The following SMYD5 variants were observed in gnomAD, a reference collection of about 807,000 sequenced individuals.
The protein encoded by SMYD5 is SMYD family member 5, also known as protein-lysine N-trimethyltransferase SMYD5.
SMYD5 carries 35 observed loss-of-function variants against 57.4 expected under a neutral mutation model. That is an observed-to-expected ratio of 0.61 (90% CI 0.47 to 0.81). The LOEUF (loss-of-function observed/expected upper bound fraction) is 0.81, where lower values mean the gene tolerates loss of function less well. Ranked by LOEUF, SMYD5 falls within the 30% of genes least tolerant of loss-of-function variation. The pLI, the probability that SMYD5 is intolerant of heterozygous loss-of-function variation, is 0.00. For synonymous variants in SMYD5, 198 were observed against 189.7 expected (o/e 1.04, Z -0.36); for missense variants, 471 against 527.9 (o/e 0.89, Z 1.06).
chr2:73,214,830 C>T, intron 1 of SMYD5: 2 of 1,302,264 alleles, frequency 1.5e-6, no homozygotes, highest in South Asian at 2.5e-5. Flanking sequence ...GTCCAAAGGC[C>T]GTGGGGGCAT....
intron 1 of SMYD5, chr2:73,214,772 CA>C: frequency 7.6e-7 from 1 of 1,315,206 alleles, no homozygotes; most frequent in Non-Finnish European, 1.0e-6. Flanking sequence ...GGAGAGAGGC[CA>C]AGATCCTTCA....
intron 2 of SMYD5, 93 bp from the exon 3 acceptor site, chr2:73,219,958 G>A (rs1304928001): frequency 1.4e-6 from 2 of 1,478,526 alleles, no homozygotes; most frequent in South Asian, 2.3e-5. Flanking sequence ...CTAGAATGGT[G>A]CCTGGCACAT....
intron 4 of SMYD5, 45 bp from the exon 5 acceptor site, chr2:73,221,120 A>G: frequency 6.6e-7 from 1 of 1,526,538 alleles, no homozygotes; most frequent in Non-Finnish European, 9.1e-7. Flanking sequence ...GAGCTCAGCT[A>G]CTAGGGAGAG....
In SMYD5 at chr2:73,214,788, G is replaced by A. The variant is rs566197461; in HGVS notation, c.96+426G>A. 1.9e-3 allele frequency: 2,465 copies of A among 1,311,190 alleles called. 52 individuals carry two copies. The South Asian group carries it at 0.029, about 15-fold the overall frequency. The allele number at this position is 1,311,190 out of a possible 1,614,324, so 81.2% of individuals were successfully genotyped here. On this transcript the variant is annotated intron_variant, in intron 1 of 12. Transcript: ENST00000389501. ...GAGAGAGGCCAAGATCCTTCACGAG[G>A]GTCCTTGGAGTGCTGAGGAATTTGG...
In SMYD5 at chr2:73,223,898, C is replaced by G. The variant is rs926543929; in HGVS notation, c.884-49C>G. On this transcript the variant is annotated intron_variant, in intron 9 of 12. Coordinates refer to ENST00000389501, the MANE Select transcript of SMYD5 (RefSeq NM_006062.3). Reference sequence around the variant, plus strand: ...TCCGTGTAAGCCTCGTTTCCTTTTCCTGCCTTTAAAAATGGGTAGAATAAT... The same window carrying G: ...TCCGTGTAAGCCTCGTTTCCTTTTCGTGCCTTTAAAAATGGGTAGAATAAT... 1.9e-6 allele frequency: 3 copies of G among 1,575,700 alleles called. No individual in the cohort carries two copies. The Admixed American group carries it at 5.0e-5, about 26-fold the overall frequency.
At chr2:73,216,603 G>A (rs1015035895) in intron 1 of SMYD5, among the ~76,000 whole-genome samples, 1 of 152,184 alleles carries the variant, frequency 6.6e-6, no homozygotes, top group Non-Finnish European at 1.5e-5. Flanking sequence ...GGCCAGGCAC[G>A]AGAATTGCTT....
chr2:73,217,864 A>G (rs532169304), intron 1 of SMYD5, among the ~76,000 whole-genome samples: 1 of 152,282 alleles, frequency 6.6e-6, no homozygotes, highest in South Asian at 2.1e-4. Context: ...TGGGTTCTGA[A>G]GCCATCTGCT....
chr2:73,223,322 G>A (rs1034429232), intron 8 of SMYD5, 104 bp from the exon 9 acceptor site: 33 of 862,490 alleles, frequency 3.8e-5, no homozygotes, highest in Non-Finnish European at 6.0e-5. Flanking sequence ...GAAGTGGGGT[G>A]GGGATGGGAG....
chr2:73,217,196 T>C (rs1019336046), intron 1 of SMYD5, among the ~76,000 whole-genome samples: 5 of 152,110 alleles, frequency 3.3e-5, no homozygotes, highest in East Asian at 3.9e-4. Context: ...GTGATCTGTC[T>C]GCCTTAGCCT....
chr2:73,226,128 C>A lies in SMYD5; in HGVS notation c.*182C>A. 1 of 789,778 alleles carries A rather than the reference C, an allele frequency of 1.3e-6. No individual in the cohort carries two copies. The highest frequency in any genetic ancestry group is 2.0e-6 in the Non-Finnish European group (1 of 510,990). 48.9% of individuals were successfully genotyped at this position (789,778 alleles called of 1,614,324 possible). ...GCCCCAACCCCCACCAGACCTCATG[C>A]CCTGGACACTGCTGCTGAGTTGGCT... On this transcript the variant is annotated 3_prime_UTR_variant, in exon 13 of 13. Transcript: ENST00000389501.
At chr2:73,219,661 C>A (rs987457551) in intron 2 of SMYD5, among the ~76,000 whole-genome samples, 7 of 152,216 alleles carry the variant, frequency 4.6e-5, no homozygotes, top group African/African-American at 1.4e-4. Flanking sequence ...GGATTACAGG[C>A]TTGAGCCACC....
rs543874892 is a variant in SMYD5 at position 73,222,787 on chromosome 2, A to G, written c.675A>G (p.Thr225=). ...TGGAACTTCTGCGGAGACTCTTCAC[A>G]GAGGCCCTCTATGAGGAAGCAGTCA... ...GQLELLRRLF[T]EALYEEAVSQ... Residue 225 remains threonine, a synonymous_variant, in exon 7 of 13, where the codon ACA becomes ACG. Coordinates refer to ENST00000389501, the MANE Select transcript of SMYD5 (RefSeq NM_006062.3). 2.8e-5 allele frequency: 45 copies of G among 1,613,774 alleles called. 1 individual carries two copies. The South Asian group carries it at 4.9e-4, about 18-fold the overall frequency.
chr2:73,225,943 G>A lies in SMYD5; in HGVS notation c.1254G>A (p.Val418=). 1 of 1,612,786 alleles carries A rather than the reference G, an allele frequency of 6.2e-7. No individual in the cohort carries two copies. The highest frequency in any genetic ancestry group is 8.5e-7 in the Non-Finnish European group (1 of 1,179,202). The change falls in exon 13 of 13, where the codon GTG becomes GTA. Residue 418 remains valine (V), a synonymous_variant. Coordinates refer to ENST00000389501, the MANE Select transcript of SMYD5 (RefSeq NM_006062.3). Reference sequence around the variant, plus strand: ...AGCTGGGGGATGAGATGACTGATGTGTGATGTTGCCCTGCCCAGAAAGGGC... The same window carrying A: ...AGCTGGGGGATGAGATGACTGATGTATGATGTTGCCCTGCCCAGAAAGGGC... ...DAELGDEMTD[V] is the part of the protein sequence containing the mutation.
chr2:73,224,129 A>T, intron 10 of SMYD5, 126 bp downstream of exon 10: 2 of 819,504 alleles, frequency 2.4e-6, no homozygotes, highest in Non-Finnish European at 4.2e-6. Flanking sequence ...TGGGAGCCCC[A>T]TTAGGTCTGA....
rs1299719298 is a variant in SMYD5 at position 73,227,112 on chromosome 2, A to AG, written c.*1168dup. ...AGGCCCTTTCCTGGACCATGGAGCC[A>AG]GGTGAAACCTGTCTGGCCCCTTACC... On this transcript the variant is annotated 3_prime_UTR_variant, in exon 13 of 13. Transcript: ENST00000389501. 6.5e-6 allele frequency: 1 copy of AG among 152,730 alleles called. No homozygotes were observed. The highest frequency in any genetic ancestry group is 1.9e-4 in the East Asian group (1 of 5,198). The allele number at this position is 152,730 out of a possible 1,614,324, so 9.5% of individuals were successfully genotyped here.
chr2:73,221,631 T>C (rs1171177342), intron 5 of SMYD5, among the ~76,000 whole-genome samples, 195 bp from the exon 6 acceptor site: 1 of 152,182 alleles, frequency 6.6e-6, no homozygotes, highest in African/African-American at 2.4e-5. Flanking sequence ...CTCTTTCTCC[T>C]GTTTTCCAAG....
chr2:73,215,979 A>G (rs1169606591), intron 1 of SMYD5, among the ~76,000 whole-genome samples: 1 of 152,254 alleles, frequency 6.6e-6, no homozygotes, highest in East Asian at 1.9e-4. Flanking sequence ...TTTAAATAGC[A>G]TGAGCATTAT....
chr2:73,222,035 A>C (rs1423422925), intron 6 of SMYD5, 105 bp downstream of exon 6: 2 of 733,560 alleles, frequency 2.7e-6, no homozygotes, highest in Non-Finnish European at 4.8e-6. Flanking sequence ...AGCTACAGGA[A>C]GGAGTTAGAA....
chr2:73,223,082 C>A lies in SMYD5; in HGVS notation c.752C>A (p.Thr251Asn). 3 of 1,614,102 alleles carry A rather than the reference C, an allele frequency of 1.9e-6. No homozygotes were observed. Among genetic ancestry groups the A allele is most frequent in the Non-Finnish European group, 2.5e-6 (3 of 1,179,968 alleles). Residue 251 changes from threonine to asparagine, a missense_variant, in exon 8 of 13, where the codon ACC (threonine) becomes AAC (asparagine). Coordinates refer to ENST00000389501, the MANE Select transcript of SMYD5 (RefSeq NM_006062.3). The part of the protein sequence containing the change: ...GFRSLFALVG[T>N]NGQGIGTSSL... The stretch of plus-strand genomic sequence containing the variant: ...CGGTCTCTCTTTGCTCTTGTTGGGA[C>A]CAATGGCCAAGGAATCGGGACCAGG...
Sources: allele counts gnomAD v4.1 joint callset (sites outside exome capture counted in the v4.1 genomes callset), GRCh38; gene constraint gnomAD v4.1.1; transcripts MANE v1.5; gene names NCBI Gene and HGNC (gene_info 2026-07-23, HGNC 2026-07-21).